The following TASP1 variants were observed in gnomAD, a reference collection of about 807,000 sequenced individuals.
TASP1 encodes the protein threonine aspartase 1.
A neutral mutation model predicts 56.6 loss-of-function variants in TASP1; 16 were observed. That is an observed-to-expected ratio of 0.28 (90% confidence interval 0.19 to 0.43). The LOEUF (loss-of-function observed/expected upper bound fraction) is 0.43, where lower values mean the gene tolerates loss of function less well. Ranked by LOEUF, TASP1 falls within the 20% of genes least tolerant of loss-of-function variation. The pLI is 1.00. For missense variants in TASP1, 393 were observed against 511.6 expected, an observed-to-expected ratio of 0.77 and a Z score of 2.24; for synonymous variants, 179 against 184.2, an observed-to-expected ratio of 0.97 and a Z score of 0.23.
chr20:13,328,036 A>G, the TASP1 span, among the ~76,000 whole-genome samples: 3 of 152,362 alleles, frequency 2.0e-5, no homozygotes, highest in East Asian at 5.8e-4. Flanking sequence ...AGAATGGGAG[A>G]AAATTTTTGC....
At chr20:13,280,488 G>A in the TASP1 span, among the ~76,000 whole-genome samples, 98 of 151,968 alleles carry the variant, frequency 6.4e-4, no homozygotes, top group Non-Finnish European at 5.6e-4. Context: ...TCCAAATTCA[G>A]TGAGTTAAAA....
the TASP1 span, among the ~76,000 whole-genome samples, chr20:13,113,318 C>T: frequency 6.6e-6 from 1 of 152,184 alleles, no homozygotes; most frequent in African/African-American, 2.4e-5. Flanking sequence ...GGTACCTACA[C>T]AAAGCCTCCT....
intron 12 of TASP1, among the ~76,000 whole-genome samples, chr20:13,418,454 C>A (rs2042333885): frequency 6.6e-6 from 1 of 152,120 alleles, no homozygotes; most frequent in African/African-American, 2.4e-5. Context: ...TGAGTTATAA[C>A]CACTGAACAA....
At chr20:13,439,443 G>A (rs968800620) in intron 11 of TASP1, among the ~76,000 whole-genome samples, 1 of 152,150 alleles carries the variant, frequency 6.6e-6, no homozygotes, top group Non-Finnish European at 1.5e-5. Flanking sequence ...ACTCATAGAT[G>A]GGAATTGAAC....
intron 12 of TASP1, among the ~76,000 whole-genome samples, chr20:13,420,952 G>C (rs2042412000): frequency 6.6e-6 from 1 of 151,976 alleles, no homozygotes; most frequent in Non-Finnish European, 1.5e-5. Context: ...AACACCAAAA[G>C]ACACGAAACA....
At chr20:13,391,566 G>C (rs979042158) in intron 13 of TASP1, among the ~76,000 whole-genome samples, 2 of 152,136 alleles carry the variant, frequency 1.3e-5, no homozygotes, top group African/African-American at 2.4e-5. Context: ...GCCAAGATGT[G>C]TTTGAAGCTT....
At chr20:13,568,154 A>G (rs1240070640) in intron 7 of TASP1, among the ~76,000 whole-genome samples, 1 of 152,068 alleles carries the variant, frequency 6.6e-6, no homozygotes, top group African/African-American at 2.4e-5. Flanking sequence ...TTCTGAATAT[A>G]ATTTTTTTTT....
intron 13 of TASP1, among the ~76,000 whole-genome samples, chr20:13,391,664 C>A (rs2041284136): frequency 2.6e-5 from 4 of 152,082 alleles, no homozygotes; most frequent in African/African-American, 7.2e-5. Flanking sequence ...CTCCAGAGTT[C>A]TTTTTGAAAG....
At chr20:13,271,160 T>C in the TASP1 span, among the ~76,000 whole-genome samples, 1 of 152,246 alleles carries the variant, frequency 6.6e-6, no homozygotes, top group South Asian at 2.1e-4. Flanking sequence ...TGTTTTCAAA[T>C]ATGAGTTCAA....
chr20:13,491,031 G>C (rs1003987394), intron 10 of TASP1, among the ~76,000 whole-genome samples: 1 of 152,186 alleles, frequency 6.6e-6, no homozygotes, highest in African/African-American at 2.4e-5. Flanking sequence ...GTGATTCTCA[G>C]CTAGCTTAAC....
the TASP1 span, among the ~76,000 whole-genome samples, chr20:13,134,020 C>T: frequency 6.6e-6 from 1 of 152,206 alleles, no homozygotes; most frequent in South Asian, 2.1e-4. Context: ...GTTGGCCACG[C>T]TCAAACTGTG....
At chr20:13,603,850 CT>C (rs112167297) in intron 4 of TASP1, among the ~76,000 whole-genome samples, 10 of 152,258 alleles carry the variant, frequency 6.6e-5, no homozygotes, top group African/African-American at 2.4e-4. Context: ...TATCTCTGTA[CT>C]GTTCAATTTT....
At chr20:13,350,888 A>G in the TASP1 span, among the ~76,000 whole-genome samples, 2 of 151,574 alleles carry the variant, frequency 1.3e-5, no homozygotes, top group East Asian at 3.9e-4. Context: ...TTTTGTAGAG[A>G]TGAGGTCTCA....
chr20:13,256,520 T>C, the TASP1 span, among the ~76,000 whole-genome samples: 16 of 152,070 alleles, frequency 1.1e-4, no homozygotes, highest in East Asian at 3.1e-3. Context: ...TTCTCAGGAC[T>C]AGTTGTATTT....
At chr20:13,603,125 G>A (rs944929381) in intron 4 of TASP1, among the ~76,000 whole-genome samples, 2 of 152,116 alleles carry the variant, frequency 1.3e-5, no homozygotes, top group African/African-American at 4.8e-5. Flanking sequence ...CAGCTACTCT[G>A]GAGACTGAGG....
At chr20:13,199,073 A>AT in the TASP1 span, among the ~76,000 whole-genome samples, 43,712 of 146,546 alleles carry the variant, frequency 0.3, 6,650 homozygotes, top group African/African-American at 0.35. Context: ...ACCTGGCTAA[A>AT]TTTTTTTTTT....
the TASP1 span, among the ~76,000 whole-genome samples, chr20:13,172,139 G>A: frequency 6.6e-6 from 1 of 152,008 alleles, no homozygotes; most frequent in South Asian, 2.1e-4. Flanking sequence ...ACTTGAGAAA[G>A]CATTATAATC....
the TASP1 span, among the ~76,000 whole-genome samples, chr20:13,365,193 C>A: frequency 6.6e-6 from 1 of 152,176 alleles, no homozygotes; most frequent in Non-Finnish European, 1.5e-5. Context: ...CTTAACTTTT[C>A]ATATTCAACT....
At chr20:13,127,467 C>T in the TASP1 span, among the ~76,000 whole-genome samples, 8 of 152,206 alleles carry the variant, frequency 5.3e-5, no homozygotes, top group African/African-American at 1.7e-4. Context: ...CTCACCCCAC[C>T]TCCCAGCTGA....
Sources: gnomAD v4.1 joint callset for allele counts (sites outside exome capture counted in the v4.1 genomes callset) on GRCh38, gnomAD v4.1.1 for gene constraint, MANE v1.5 for transcripts, NCBI Gene and HGNC (gene_info 2026-07-23, HGNC 2026-07-21) for gene names.